Variants in GDPD1 observed in about 807,000 individuals in gnomAD.
GDPD1 encodes glycerophosphodiester phosphodiesterase domain containing 1.
In GDPD1, 28 loss-of-function variants were observed where a neutral mutation model predicts 45.1. The ratio of observed to expected loss-of-function variants is 0.62; its 90% CI spans 0.46 to 0.85. The LOEUF is 0.85. Among genes scored for constraint, GDPD1 ranks in the 40% least tolerant of loss-of-function variants. The pLI is 0.00. For missense variants in GDPD1, 256 were observed against 364.8 expected, an observed-to-expected ratio of 0.70 and a Z score of 2.43; for synonymous variants, 139 against 131.4, an observed-to-expected ratio of 1.06 and a Z score of -0.40.
chr17:59,261,949 G>T (rs1318979805), intron 6 of GDPD1, among the ~76,000 whole-genome samples: 1 of 107,784 alleles, frequency 9.3e-6, no homozygotes, highest in Non-Finnish European at 1.7e-5. Context: ...ACGGAGTCTC[G>T]CTCTGTCGCC....
chr17:59,269,907 A>G (rs947361666), intron 7 of GDPD1, among the ~76,000 whole-genome samples: 24 of 152,110 alleles, frequency 1.6e-4, no homozygotes, highest in Non-Finnish European at 2.8e-4. Context: ...ATTTATCTTC[A>G]TATGTTCCTT....
chr17:59,226,011 G>A (rs764730199), intron 1 of GDPD1, among the ~76,000 whole-genome samples: 10 of 152,080 alleles, frequency 6.6e-5, no homozygotes, highest in Non-Finnish European at 1.3e-4. Context: ...ATGAGCCACC[G>A]TGCCCAGCCT....
Position 59,275,481 on chromosome 17 carries a change from C to A in GDPD1, c.*1708C>A. On this transcript the variant is annotated 3_prime_UTR_variant, in exon 10 of 10. Transcript: ENST00000284116. ...TACCAGTTGTAAATTAAGACAAGATCCAAATAGTCATATTTTTGTGTTTCC... is the reference window on the plus strand; with the variant it reads ...TACCAGTTGTAAATTAAGACAAGATACAAATAGTCATATTTTTGTGTTTCC... 8.9e-6 allele frequency: 2 copies of A among 223,840 alleles called. No individual in the cohort carries two copies. The highest frequency in any genetic ancestry group is 9.5e-5 in the East Asian group (1 of 10,482). The allele number at this position is 223,840 out of a possible 1,614,324, so 13.9% of individuals were successfully genotyped here. A position where few individuals can be genotyped will look rare whatever the true frequency, so the allele number is the denominator to read the frequency against.
chr17:59,269,985 A>G (rs1271678517), intron 7 of GDPD1, among the ~76,000 whole-genome samples: 1 of 152,154 alleles, frequency 6.6e-6, no homozygotes, highest in Non-Finnish European at 1.5e-5. Context: ...TTTCTCTAAA[A>G]AGTGATTATG....
At chr17:59,237,244 C>CA (rs913224824) in intron 2 of GDPD1, among the ~76,000 whole-genome samples, 2 of 151,258 alleles carry the variant, frequency 1.3e-5, no homozygotes, top group Non-Finnish European at 2.9e-5. Context: ...AGAAAATGCA[C>CA]AAAAAAAATT....
intron 4 of GDPD1, among the ~76,000 whole-genome samples, chr17:59,255,800 T>TATATATACACAC (rs1555724196): frequency 3.0e-5 from 2 of 66,992 alleles, no homozygotes; most frequent in African/African-American, 2.0e-4. Context: ...TATATATGTA[T>TATATATACACAC]ATATATATAT....
intron 4 of GDPD1, among the ~76,000 whole-genome samples, chr17:59,251,881 T>G (rs1178831588): frequency 6.7e-6 from 1 of 148,996 alleles, no homozygotes; most frequent in African/African-American, 2.5e-5. Context: ...CATGGTGGTA[T>G]GCACCTGTGG....
At chr17:59,230,217 A>C (rs2047078170) in intron 1 of GDPD1, among the ~76,000 whole-genome samples, 1 of 152,142 alleles carries the variant, frequency 6.6e-6, no homozygotes, top group African/African-American at 2.4e-5. Context: ...AAACTGTTGA[A>C]GTTTTATATA....
chr17:59,275,082 T>G lies in GDPD1; in HGVS notation c.*1309T>G. The G allele has an allele frequency of 8.1e-7, 1 of 1,234,602 alleles. No individual in the cohort carries two copies. Among genetic ancestry groups the G allele is most frequent in the Non-Finnish European group, 1.1e-6 (1 of 872,606 alleles). 76.5% of individuals were successfully genotyped at this position (1,234,602 alleles called of 1,614,324 possible). A position where few individuals can be genotyped will look rare whatever the true frequency, so the allele number is the denominator to read the frequency against. On this transcript the variant is annotated 3_prime_UTR_variant, in exon 10 of 10. Transcript: ENST00000284116. ...GTCTCGAACTCCTGACCTCAGGTGATCCACCCACCTCGGCCTCTCAAAGTG... is the reference window on the plus strand; with the variant it reads ...GTCTCGAACTCCTGACCTCAGGTGAGCCACCCACCTCGGCCTCTCAAAGTG...
chr17:59,273,743 T>G lies in GDPD1; in HGVS notation c.915T>G (p.Leu305=), dbSNP rs763886764. Residue 305 remains leucine (L), a synonymous_variant, in exon 10 of 10, where the codon CTT becomes CTG. Coordinates refer to ENST00000284116, the MANE Select transcript of GDPD1 (RefSeq NM_182569.4). ...TGATGACAGACTATCCAACAAAGCT[T>G]AGGGATTTTTTACATAACTTTTCAG... is the stretch of plus-strand genomic sequence containing the variant. ...TGVMTDYPTK[L]RDFLHNFSA is the part of the protein sequence containing the mutation. 2.5e-6 allele frequency: 4 copies of G among 1,579,154 alleles called. No individual in the cohort carries two copies. Among genetic ancestry groups the G allele is most frequent in the Non-Finnish European group, 3.4e-6 (4 of 1,162,444 alleles).
At chr17:59,222,790 C>T (rs1288822141) in intron 1 of GDPD1, among the ~76,000 whole-genome samples, 2 of 152,120 alleles carry the variant, frequency 1.3e-5, no homozygotes, top group Non-Finnish European at 2.9e-5. Context: ...GTTGGGATTA[C>T]AGGCGTGAGA....
intron 7 of GDPD1, among the ~76,000 whole-genome samples, chr17:59,268,399 AC>A (rs1296401099): frequency 6.6e-6 from 1 of 151,484 alleles, no homozygotes; most frequent in Non-Finnish European, 1.5e-5. Context: ...ACACGGTGAA[AC>A]CCCGTCTCCA....
intron 3 of GDPD1, among the ~76,000 whole-genome samples, chr17:59,248,488 C>T (rs1312521388): frequency 1.3e-5 from 2 of 151,728 alleles, no homozygotes; most frequent in African/African-American, 4.8e-5. Flanking sequence ...GTATTCCTGA[C>T]ATTTTTCTAC....
At chr17:59,223,008 C>T (rs761798586) in intron 1 of GDPD1, among the ~76,000 whole-genome samples, 38 of 152,120 alleles carry the variant, frequency 2.5e-4, no homozygotes, top group Non-Finnish European at 4.7e-4. Flanking sequence ...AAATACTTGT[C>T]GATCTTTGAA....
intron 2 of GDPD1, among the ~76,000 whole-genome samples, chr17:59,240,730 C>G (rs1295525878): frequency 6.6e-6 from 1 of 152,158 alleles, no homozygotes; most frequent in Non-Finnish European, 1.5e-5. Flanking sequence ...CTCGGCCTCC[C>G]AAAGTGTTGG....
intron 7 of GDPD1, among the ~76,000 whole-genome samples, chr17:59,267,927 A>G (rs1297740814): frequency 1.3e-5 from 2 of 152,150 alleles, no homozygotes; most frequent in South Asian, 2.1e-4. Context: ...ACCTCCTCCC[A>G]AAGTGCTGGG....
chr17:59,272,999 A>G, intron 9 of GDPD1, 163 bp downstream of exon 9: 1 of 1,464,452 alleles, frequency 6.8e-7, no homozygotes, highest in South Asian at 1.4e-5. Context: ...TACACTTAGC[A>G]ATAAAGCATT....
At chr17:59,222,503 GC>G (rs2047013284) in intron 1 of GDPD1, among the ~76,000 whole-genome samples, 1 of 72,324 alleles carries the variant, frequency 1.4e-5, no homozygotes, top group East Asian at 2.9e-4. Flanking sequence ...ACAGTGCCCA[GC>G]CTTTTTTTTT....
chr17:59,266,136 C>T (rs1210730592), intron 6 of GDPD1, among the ~76,000 whole-genome samples: 1 of 151,804 alleles, frequency 6.6e-6, no homozygotes, highest in Admixed American at 6.6e-5. Flanking sequence ...CTTGTAATCC[C>T]AACACTTTGG....
Sources: gnomAD v4.1 joint callset for allele counts (sites outside exome capture counted in the v4.1 genomes callset) on GRCh38, gnomAD v4.1.1 for gene constraint, MANE v1.5 for transcripts, NCBI Gene and HGNC (gene_info 2026-07-23, HGNC 2026-07-21) for gene names.